The following SASH1 variants were observed in gnomAD, a reference collection of about 807,000 sequenced individuals.
SASH1 encodes SAM and SH3 domain-containing protein 1.
SASH1 carries 44 observed loss-of-function variants against 125.2 expected under a neutral mutation model. The observed-to-expected ratio is 0.35, with a 90% CI of 0.28 to 0.45. The LOEUF is 0.45. SASH1 is among the 20% of genes least tolerant of loss of function. The pLI, the probability that SASH1 is intolerant of heterozygous loss-of-function variation, is 1.00. For missense variants in SASH1, 1,426 were observed against 1,614.5 expected (o/e 0.88, Z 2.00); for synonymous variants, 639 against 649.1 (o/e 0.98, Z 0.24).
intron 1 of SASH1, among the ~76,000 whole-genome samples, chr6:148,376,111 C>T (rs1047558190): frequency 3.3e-5 from 5 of 152,174 alleles, no homozygotes; most frequent in African/African-American, 9.7e-5. Flanking sequence ...GTCACCCAGG[C>T]TGGAGTGCAG....
At chr6:148,303,199 C>T (rs138959864) in intron 1 of SASH1, among the ~76,000 whole-genome samples, 19 of 152,072 alleles carry the variant, frequency 1.2e-4, no homozygotes, top group African/African-American at 4.6e-4. Flanking sequence ...AGGCTGGTCT[C>T]AAACTCCTGA....
At chr6:148,360,921 T>A (rs1244290448) in intron 1 of SASH1, among the ~76,000 whole-genome samples, 1 of 152,204 alleles carries the variant, frequency 6.6e-6, no homozygotes, top group East Asian at 1.9e-4. Context: ...TGGAAATGGC[T>A]TCTTTTCAGA....
chr6:148,270,739 A>T (rs773964575), upstream of SASH1, among the ~76,000 whole-genome samples: 3 of 152,190 alleles, frequency 2.0e-5, no homozygotes, highest in Non-Finnish European at 4.4e-5. Context: ...TTAATACACC[A>T]TCACTGATAT....
the SASH1 span, among the ~76,000 whole-genome samples, chr6:148,223,369 C>T: frequency 1.5e-4 from 23 of 152,286 alleles, no homozygotes; most frequent in Admixed American, 1.2e-3. Flanking sequence ...ATAAAAATTT[C>T]ACATTTCAGA....
At chr6:148,380,232 C>A (rs149167447) in intron 1 of SASH1, among the ~76,000 whole-genome samples, 2,297 of 152,274 alleles carry the variant, frequency 0.015, 30 homozygotes, top group Middle Eastern at 0.024. Context: ...CAGACGGTCA[C>A]ACCGCGAGGC....
upstream of SASH1, among the ~76,000 whole-genome samples, chr6:148,340,004 C>G (rs1471083966): frequency 6.6e-6 from 1 of 152,166 alleles, no homozygotes; most frequent in African/African-American, 2.4e-5. Context: ...TGCTTTGCCC[C>G]AGGTCATCTG....
chr6:148,425,112 T>A (rs182687861), intron 2 of SASH1, among the ~76,000 whole-genome samples: 3 of 152,196 alleles, frequency 2.0e-5, no homozygotes, highest in East Asian at 1.9e-4. Context: ...ATGGAAGAGA[T>A]GAATTGAAGC....
chr6:148,253,999 A>G, the SASH1 span, among the ~76,000 whole-genome samples: 1 of 152,170 alleles, frequency 6.6e-6, no homozygotes, highest in South Asian at 2.1e-4. Context: ...TGAGGTCAGG[A>G]GTTCAAGATC....
intron 7 of SASH1, among the ~76,000 whole-genome samples, chr6:148,475,144 C>T (rs1428421815): frequency 6.6e-6 from 1 of 152,148 alleles, no homozygotes; most frequent in African/African-American, 2.4e-5. Flanking sequence ...TGAATTTTCA[C>T]TTTGAACAGT....
chr6:148,508,952 C>G lies in SASH1; in HGVS notation c.730-5372C>G, dbSNP rs1353356879. On this transcript the variant is annotated intron_variant, in intron 8 of 19. Coordinates refer to ENST00000367467, the MANE Select transcript of SASH1 (RefSeq NM_015278.5). ...GCTTCAAGTAAAAGTTTTTGCTGCT[C>G]CTGCCTATGATGTTTCTCTCTCTTT... The G allele has an allele frequency of 1.4e-4, 100 of 713,468 alleles. 3 individuals carry two copies. The highest frequency in any genetic ancestry group is 1.3e-3 in the South Asian group (89 of 69,504). 44.2% of individuals were successfully genotyped at this position (713,468 alleles called of 1,614,324 possible).
rs1455623421 is a variant in SASH1 at position 148,322,904 on chromosome 6, C to CT, written n.74+50528dup. Among the ~76,000 whole-genome samples the CT allele has an allele frequency of 3.5e-3, 453 of 130,566 alleles. 27 individuals are homozygous for CT. The highest frequency in any genetic ancestry group is 5.3e-3 in the Non-Finnish European group (316 of 60,050). 85.7% of individuals were successfully genotyped at this position (130,566 alleles called of 152,430 possible). On this transcript the variant is annotated intron_variant and non_coding_transcript_variant, in intron 1 of 3. Transcript: ENST00000367469. ...CTTTCTTTTTCTTCTTTCTTTCTCT[C>CT]TCTTTCTTTCTTTTTTCTTTCTCTC...
chr6:148,446,634 A>G (rs1776807196), intron 4 of SASH1, among the ~76,000 whole-genome samples: 1 of 152,156 alleles, frequency 6.6e-6, no homozygotes, highest in East Asian at 1.9e-4. Flanking sequence ...TATGGAGGAA[A>G]TCTTCATGGG....
chr6:148,538,911 C>A (rs1337848384), intron 16 of SASH1, among the ~76,000 whole-genome samples: 1 of 152,190 alleles, frequency 6.6e-6, no homozygotes, highest in East Asian at 1.9e-4. Context: ...TGTGACCAAG[C>A]ACTTACTTAC....
chr6:148,474,017 C>A, intron 6 of SASH1, 93 bp from the exon 7 acceptor site: 1 of 815,816 alleles, frequency 1.2e-6, no homozygotes, highest in Non-Finnish European at 2.0e-6. Context: ...GAGCAACATT[C>A]TTCTCTAGCC....
intron 1 of SASH1, among the ~76,000 whole-genome samples, chr6:148,314,170 G>A (rs1020932135): frequency 2.0e-5 from 3 of 152,112 alleles, no homozygotes; most frequent in Non-Finnish European, 2.9e-5. Context: ...GTCCTGTCCC[G>A]GAGCAGCCAT....
At chr6:148,279,842 C>G (rs2128505182) in intron 1 of SASH1, among the ~76,000 whole-genome samples, 2 of 152,026 alleles carry the variant, frequency 1.3e-5, no homozygotes, top group Admixed American at 1.3e-4. Flanking sequence ...CAAAAATTAG[C>G]TGGGTGTGGT....
chr6:148,402,611 A>T (rs902216643), intron 2 of SASH1, among the ~76,000 whole-genome samples: 5 of 136,872 alleles, frequency 3.7e-5, no homozygotes, highest in African/African-American at 1.4e-4. Context: ...GACCGGCCAA[A>T]AATGACATTT....
At chr6:148,452,737 C>T (rs1777161386) in intron 4 of SASH1, among the ~76,000 whole-genome samples, 1 of 152,168 alleles carries the variant, frequency 6.6e-6, no homozygotes, top group South Asian at 2.1e-4. Context: ...AGTGCTGCCC[C>T]TGGTGAGGGC....
chr6:148,293,928 A>G (rs1779699215), intron 1 of SASH1, among the ~76,000 whole-genome samples: 1 of 152,244 alleles, frequency 6.6e-6, no homozygotes. Flanking sequence ...AACATTTCTC[A>G]AGGGAGCAAG....
Sources: allele counts gnomAD v4.1 joint callset (sites outside exome capture counted in the v4.1 genomes callset), GRCh38; gene constraint gnomAD v4.1.1; transcripts MANE v1.5; gene names NCBI Gene and HGNC (gene_info 2026-07-23, HGNC 2026-07-21).